Variants in ABCF2 observed in about 807,000 individuals in gnomAD.
The protein encoded by ABCF2 is ATP binding cassette subfamily F member 2.
ABCF2 carries 37 observed loss-of-function variants against 76.9 expected under a neutral mutation model. The observed-to-expected ratio is 0.48, with a 90% CI of 0.37 to 0.63. The LOEUF (loss-of-function observed/expected upper bound fraction) is 0.63. Ranked by LOEUF, ABCF2 falls within the 30% of genes least tolerant of loss-of-function variation. The pLI is 0.00. For missense variants in ABCF2, 524 were observed against 782.1 expected (o/e 0.67, Z 3.94); for synonymous variants, 299 against 283.7 (o/e 1.05, Z -0.54).
Position 151,214,787 on chromosome 7 carries a change from A to G in ABCF2, c.1734+92T>C. On this transcript the variant is annotated intron_variant, in intron 14 of 14. Coordinates refer to ENST00000287844, the MANE Select transcript of ABCF2 (RefSeq NM_007189.3). This position sits in a 1 kb window ranked among gnomAD's most constrained non-coding sequence, Gnocchi z 4.9. ...TCTGAGCCCCTTCTCTTAATTCAGT[A>G]GGCGGGTATTATGCACCCTCCACAT... 1.7e-6 allele frequency: 2 copies of G among 1,202,342 alleles called. No homozygotes were observed. Among genetic ancestry groups the G allele is most frequent in the Middle Eastern group, 4.6e-4 (2 of 4,370 alleles). 74.5% of individuals were successfully genotyped at this position (1,202,342 alleles called of 1,614,324 possible). A position where few individuals can be genotyped will look rare whatever the true frequency, so the allele number is the denominator to read the frequency against.
At chr7:151,216,554 T>C (rs1802154734) in intron 11 of ABCF2, among the ~76,000 whole-genome samples, 1 of 152,252 alleles carries the variant, frequency 6.6e-6, no homozygotes, top group South Asian at 2.1e-4. Context: ...AGAGGGAGTC[T>C]CGCTCTGTTG....
At position 151,226,377 on chromosome 7, in the gene ABCF2, C is replaced by T; in HGVS notation, c.82G>A (p.Glu28Lys). The T allele has an allele frequency of 6.2e-7, 1 of 1,614,174 alleles. No homozygotes were observed. The highest frequency in any genetic ancestry group is 8.5e-7 in the Non-Finnish European group (1 of 1,180,020). Residue 28 changes from glutamate (E) to lysine (K), a missense_variant, in exon 2 of 15, where the codon GAA becomes AAA. Around this residue, in one of 2 missense-constraint regions of ABCF2, gnomAD observed 330 missense variants for 433.6 expected, o/e 0.76. Coordinates refer to ENST00000287844, the MANE Select transcript of ABCF2 (RefSeq NM_007189.3). Reference protein sequence around the residue: ...KARQRPRKGHEENGDVVTEPQ... With the variant: ...KARQRPRKGHKENGDVVTEPQ... ...TCTGTGACAACATCTCCATTTTCTT[C>T]ATGTCCTTTTCTGGGCCGCTGTCGA...
chr7:151,215,952 A>G lies in ABCF2; in HGVS notation c.1401+15T>C, dbSNP rs1251767688. ...ACCCTGGGCAATTCCCCGGATCCCA[A>G]CCCCAGGCCTGTACCTGATGGTAAC... On this transcript the variant is annotated intron_variant, in intron 12 of 14. Transcript: ENST00000287844. This position sits in a 1 kb window ranked among gnomAD's most constrained non-coding sequence, Gnocchi z 4.6. 1 of 1,613,636 alleles carries G rather than the reference A, an allele frequency of 6.2e-7. No individual in the cohort carries two copies. Among genetic ancestry groups the G allele is most frequent in the East Asian group, 2.2e-5 (1 of 44,868 alleles).
chr7:151,213,467 G>C lies in ABCF2; in HGVS notation c.*587C>G. ...TGGGCAGTGCATGTTGGCACTGCAG[G>C]GAGGAGAAGGCCCCAGAGACCCGAG... On this transcript the variant is annotated 3_prime_UTR_variant, in exon 15 of 15. Transcript: ENST00000287844. 1.0e-6 allele frequency: 1 copy of C among 985,596 alleles called. No individual in the cohort carries two copies. The highest frequency in any genetic ancestry group is 1.2e-6 in the Non-Finnish European group (1 of 830,082). 61.1% of individuals were successfully genotyped at this position (985,596 alleles called of 1,614,324 possible). A position where few individuals can be genotyped will look rare whatever the true frequency, so the allele number is the denominator to read the frequency against.
At chr7:151,222,296 T>A (rs376070002) in intron 6 of ABCF2, among the ~76,000 whole-genome samples, 14 of 150,366 alleles carry the variant, frequency 9.3e-5, no homozygotes, top group Admixed American at 2.0e-4. Flanking sequence ...AGGATTTTTT[T>A]TAAAAAAAAA....
Position 151,215,805 on chromosome 7 carries a change from C to T in ABCF2, c.1402-73G>A. The T allele has an allele frequency of 6.2e-7, 1 of 1,606,424 alleles. No individual in the cohort carries two copies. Among genetic ancestry groups the T allele is most frequent in the Non-Finnish European group, 8.5e-7 (1 of 1,174,764 alleles). ...AAAATAAACCCTACTAGGTAACTTC[C>T]TATTTCTATCCCAGGCACCTGTTCT... On this transcript the variant is annotated intron_variant, in intron 12 of 14. Transcript: ENST00000287844. This position sits in a 1 kb window ranked among gnomAD's most constrained non-coding sequence, Gnocchi z 4.6.
chr7:151,225,578 A>G (rs1802356049), intron 2 of ABCF2, among the ~76,000 whole-genome samples: 1 of 152,256 alleles, frequency 6.6e-6, no homozygotes, highest in African/African-American at 2.4e-5. Context: ...GTAGCTAGCA[A>G]AAACATGATG....
Position 151,215,166 on chromosome 7 carries a change from T to G in ABCF2, c.1531-84A>C, listed in dbSNP as rs181906049. On this transcript the variant is annotated intron_variant, in intron 13 of 14. Coordinates refer to ENST00000287844, the MANE Select transcript of ABCF2 (RefSeq NM_007189.3). The surrounding 1 kb of genome is among the most constrained non-coding windows in gnomAD (Gnocchi z 4.6). Reference sequence around the variant, plus strand: ...CATCTCTCCCTCATTTCTCCCTGACTCCTCCATTAGCATCGCCATTTATAA... The same window carrying G: ...CATCTCTCCCTCATTTCTCCCTGACGCCTCCATTAGCATCGCCATTTATAA... 1.4e-4 allele frequency: 183 copies of G among 1,286,258 alleles called. No individual in the cohort carries two copies. In the African/African-American group the frequency reaches 2.4e-3, roughly 17 times the overall value. 79.7% of individuals were successfully genotyped at this position (1,286,258 alleles called of 1,614,324 possible).
In ABCF2 at chr7:151,221,026, G is replaced by A. The variant is rs575136685; in HGVS notation, c.921+552C>T. Among the ~76,000 whole-genome samples, 31 of 152,352 alleles carry A rather than the reference G, an allele frequency of 2.0e-4. 1 individual carries two copies. In the South Asian group the frequency reaches 6.0e-3, roughly 30 times the overall value. ...TGAGAGCAGGGCCTGCCTGGTCACC[G>A]TGAAAAGTCAACTTCTTTGCCACAA... On this transcript the variant is annotated intron_variant, in intron 7 of 14. Transcript: ENST00000287844.
chr7:151,216,127 A>C, intron 11 of ABCF2, 98 bp from the exon 12 acceptor site: 1 of 1,010,322 alleles, frequency 9.9e-7, no homozygotes, highest in Non-Finnish European at 1.6e-6. Context: ...ACACTGAACA[A>C]GACTCAACTT....
chr7:151,226,100 ACTGAG>A (rs1416896390), intron 2 of ABCF2, among the ~76,000 whole-genome samples, 200 bp downstream of exon 2: 1 of 152,224 alleles, frequency 6.6e-6, no homozygotes, highest in Non-Finnish European at 1.5e-5. Flanking sequence ...TCCGCTTGCC[ACTGAG>A]TATGTGAGAA....
chr7:151,213,351 A>T lies in ABCF2; in HGVS notation c.*703T>A. 2 of 985,422 alleles carry T rather than the reference A, an allele frequency of 2.0e-6. No homozygotes were observed. Among genetic ancestry groups the T allele is most frequent in the Non-Finnish European group, 2.4e-6 (2 of 829,920 alleles). The allele number at this position is 985,422 out of a possible 1,614,324, so 61.0% of individuals were successfully genotyped here. A position where few individuals can be genotyped will look rare whatever the true frequency, so the allele number is the denominator to read the frequency against. Reference sequence around the variant, plus strand: ...AGGCCTGAGAAAAGGTACAATTTCAAATCAGAAGTAAAGGGACAAAGTTCT... The same window carrying T: ...AGGCCTGAGAAAAGGTACAATTTCATATCAGAAGTAAAGGGACAAAGTTCT... On this transcript the variant is annotated 3_prime_UTR_variant, in exon 15 of 15. Transcript: ENST00000287844.
intron 7 of ABCF2, among the ~76,000 whole-genome samples, chr7:151,219,596 A>AT (rs958279983): frequency 1.6e-4 from 25 of 152,220 alleles, no homozygotes; most frequent in Admixed American, 1.3e-4. Flanking sequence ...CAAACCCTGC[A>AT]TAAGTGGACT....
intron 2 of ABCF2, among the ~76,000 whole-genome samples, chr7:151,225,261 C>G (rs918961982): frequency 6.6e-6 from 1 of 152,168 alleles, no homozygotes; most frequent in African/African-American, 2.4e-5. Context: ...CTTTATTGCT[C>G]TTTCTAATTG....
chr7:151,226,625 G>C, intron 1 of ABCF2, 125 bp from the exon 2 acceptor site: 1 of 711,372 alleles, frequency 1.4e-6, no homozygotes, highest in Non-Finnish European at 2.2e-6. Flanking sequence ...GCCTGCCCCC[G>C]CCTCGTCTGT....
chr7:151,226,231 C>G, intron 2 of ABCF2, 74 bp downstream of exon 2: 2 of 1,514,208 alleles, frequency 1.3e-6, no homozygotes, highest in Non-Finnish European at 1.8e-6. Context: ...CCCCCAGCAT[C>G]AAGATTCCAA....
intron 11 of ABCF2, among the ~76,000 whole-genome samples, chr7:151,216,872 T>C (rs1349182955): frequency 6.6e-6 from 1 of 152,168 alleles, no homozygotes; most frequent in African/African-American, 2.4e-5. Context: ...ATACATACAC[T>C]TAAGAAAGAT....
intron 7 of ABCF2, among the ~76,000 whole-genome samples, chr7:151,220,671 G>C (rs922631375): frequency 3.9e-5 from 6 of 152,062 alleles, no homozygotes; most frequent in African/African-American, 1.4e-4. Context: ...CTCCAGTGAA[G>C]CAGAATTAAG....
At position 151,213,895 on chromosome 7, in the gene ABCF2, G is replaced by C. The variant is rs1802098324; in HGVS notation, c.*159C>G. The C allele has an allele frequency of 6.9e-7, 1 of 1,452,722 alleles. No homozygotes were observed. The highest frequency in any genetic ancestry group is 9.0e-7 in the Non-Finnish European group (1 of 1,110,684). The allele number at this position is 1,452,722 out of a possible 1,614,324, so 90.0% of individuals were successfully genotyped here. A position where few individuals can be genotyped will look rare whatever the true frequency, so the allele number is the denominator to read the frequency against. On this transcript the variant is annotated 3_prime_UTR_variant, in exon 15 of 15. Coordinates refer to ENST00000287844, the MANE Select transcript of ABCF2 (RefSeq NM_007189.3). ...AGGTACTGTCCAGCTGTAGGTAAGAGAGTGCAGCTAAGGCAGGTTGAGGGG... is the reference window on the plus strand; with the variant it reads ...AGGTACTGTCCAGCTGTAGGTAAGACAGTGCAGCTAAGGCAGGTTGAGGGG...
Sources: gnomAD v4.1 joint callset for allele counts (sites outside exome capture counted in the v4.1 genomes callset) on GRCh38, gnomAD v4.1.1 for gene constraint, gnomAD v4.1.1 regional missense constraint, Gnocchi (gnomAD v3.1) non-coding constraint, MANE v1.5 for transcripts, NCBI Gene and HGNC (gene_info 2026-07-23, HGNC 2026-07-21) for gene names.